STARD13: variants seen among roughly 807,000 people sequenced by gnomAD.
The protein encoded by STARD13 is StAR related lipid transfer domain containing 13, also known as stAR-related lipid transfer protein 13.
In STARD13, 62 loss-of-function variants were observed where a neutral mutation model predicts 106.4. The ratio of observed to expected loss-of-function variants is 0.58; its 90% CI spans 0.48 to 0.72. The LOEUF (loss-of-function observed/expected upper bound fraction) is 0.72. Ranked by LOEUF, STARD13 falls within the 30% of genes least tolerant of loss-of-function variation. The probability of loss-of-function intolerance (pLI) is 0.00; values close to 1 mark genes in which losing one functional copy is unlikely to be tolerated. For synonymous variants in STARD13, 565 were observed against 553.0 expected (o/e 1.02, Z -0.31); for missense variants, 1,387 against 1,424.0 (o/e 0.97, Z 0.42).
the STARD13 span, among the ~76,000 whole-genome samples, chr13:33,625,343 G>A: frequency 2.6e-5 from 4 of 152,006 alleles, no homozygotes; most frequent in East Asian, 2.0e-4. Context: ...AGGCCGAGGC[G>A]GGCAGGTCAT....
chr13:33,528,257 C>CATATATATGTATATATATATATAT, the STARD13 span, among the ~76,000 whole-genome samples: 33 of 92,896 alleles, frequency 3.6e-4, 1 homozygote, highest in East Asian at 2.1e-3. Context: ...TATATATATA[C>CATATATATGTATATATATATATAT]ATATATATAT....
At chr13:33,422,920 C>T in the STARD13 span, among the ~76,000 whole-genome samples, 1 of 152,152 alleles carries the variant, frequency 6.6e-6, no homozygotes, top group South Asian at 2.1e-4. Context: ...GGATCCCTTC[C>T]TTACACTTTA....
the STARD13 span, among the ~76,000 whole-genome samples, chr13:33,552,433 G>A: frequency 1.4e-4 from 22 of 152,248 alleles, no homozygotes; most frequent in African/African-American, 5.3e-4. Flanking sequence ...ATCACATAAA[G>A]TACGTTCTTT....
intron 1 of STARD13, among the ~76,000 whole-genome samples, chr13:33,230,238 C>T (rs1888845638): frequency 6.6e-6 from 1 of 152,242 alleles, no homozygotes; most frequent in Non-Finnish European, 1.5e-5. Flanking sequence ...AACATAAGAT[C>T]ATCATCTGCA....
At chr13:33,168,524 A>G (rs985867509) in intron 1 of STARD13, among the ~76,000 whole-genome samples, 1 of 152,252 alleles carries the variant, frequency 6.6e-6, no homozygotes, top group Non-Finnish European at 1.5e-5. Flanking sequence ...CCAAGGGGAA[A>G]GAAGTTCATC....
chr13:33,560,734 A>G, the STARD13 span, among the ~76,000 whole-genome samples: 1 of 151,604 alleles, frequency 6.6e-6, no homozygotes, highest in Non-Finnish European at 1.5e-5. Context: ...TAATTTAAAA[A>G]TATTTCAAAA....
In STARD13 at chr13:33,135,048, G is replaced by A. The variant is rs147937578; in HGVS notation, c.388-4759C>T. On this transcript the variant is annotated intron_variant, in intron 4 of 13. Coordinates refer to ENST00000336934, the MANE Select transcript of STARD13 (RefSeq NM_178006.4). ...ATTCTGCACTGGTCACATATATCAG[G>A]AACAATGGGTTCTTTCTAAGCGCTC... Among the ~76,000 whole-genome samples the A allele has an allele frequency of 4.9e-3, 753 of 152,324 alleles. 20 individuals carry two copies. Among genetic ancestry groups the A allele is most frequent in the East Asian group, 1.4e-3 (7 of 5,184 alleles).
chr13:33,452,836 T>G, the STARD13 span, among the ~76,000 whole-genome samples: 2 of 152,244 alleles, frequency 1.3e-5, no homozygotes, highest in Admixed American at 6.5e-5. Flanking sequence ...GGAACAGCGA[T>G]GTATATCAAC....
At chr13:33,297,026 T>C (rs1892522649) in intron 1 of STARD13, among the ~76,000 whole-genome samples, 1 of 152,276 alleles carries the variant, frequency 6.6e-6, no homozygotes, top group East Asian at 1.9e-4. Context: ...CATTTATTTT[T>C]GTGCCTGTTT....
intron 1 of STARD13, among the ~76,000 whole-genome samples, chr13:33,308,520 C>CTTTTTTTTTTTTTTTT (rs552526416): frequency 1.4e-3 from 128 of 88,568 alleles, no homozygotes; most frequent in African/African-American, 1.7e-3. Context: ...CTTTTTCTTT[C>CTTTTTTTTTTTTTTTT]TTTTTTTTTT....
the STARD13 span, among the ~76,000 whole-genome samples, chr13:33,610,123 A>G: frequency 7.9e-5 from 12 of 152,252 alleles, no homozygotes; most frequent in Admixed American, 7.8e-4. Context: ...TAAATTGTAA[A>G]AAGATATTTA....
chr13:33,299,225 C>T (rs1892619892), intron 1 of STARD13, among the ~76,000 whole-genome samples: 1 of 152,172 alleles, frequency 6.6e-6, no homozygotes. Context: ...CACACAACAA[C>T]AAAATCACCG....
intron 1 of STARD13, among the ~76,000 whole-genome samples, chr13:33,205,569 TTC>T (rs1412908064): frequency 6.6e-6 from 1 of 152,330 alleles, no homozygotes; most frequent in South Asian, 2.1e-4. Flanking sequence ...GATAAAACAA[TTC>T]TCTCTGAGAT....
At chr13:33,264,162 G>A (rs937771950) in intron 1 of STARD13, among the ~76,000 whole-genome samples, 3 of 152,146 alleles carry the variant, frequency 2.0e-5, no homozygotes, top group Non-Finnish European at 4.4e-5. Flanking sequence ...GATGTTCCTG[G>A]AGCCCAGTCA....
chr13:33,222,640 G>C lies in STARD13; in HGVS notation c.170-55018C>G, dbSNP rs74045716. On this transcript the variant is annotated intron_variant, in intron 1 of 13. Transcript: ENST00000336934. ...AGCACCTTCTGTTGCCTTTTCCTAC[G>C]ACACACATCATGTCTACTTCTCCTG... 4.9e-3 allele frequency among the ~76,000 whole-genome samples: 739 copies of C among 152,220 alleles called. 8 individuals are homozygous for C. The highest frequency in any genetic ancestry group is 0.017 in the African/African-American group (705 of 41,538).
At chr13:33,599,872 A>T in the STARD13 span, among the ~76,000 whole-genome samples, 77 of 152,370 alleles carry the variant, frequency 5.1e-4, no homozygotes, top group Non-Finnish European at 8.4e-4. Context: ...GATTACAACC[A>T]TTAGCTGAAA....
In STARD13 at chr13:33,106,625, A is replaced by G. The variant is rs941015394; in HGVS notation, c.3224+133T>C. ...AGAGGGGAGGCATACATATCCACCT[A>G]TGAAAGCACACTAATGGCAATGAGG... On this transcript the variant is annotated intron_variant, in intron 13 of 13. Coordinates refer to ENST00000336934, the MANE Select transcript of STARD13 (RefSeq NM_178006.4). The G allele has an allele frequency of 1.2e-5, 9 of 770,910 alleles. No individual in the cohort carries two copies. The African/African-American group carries it at 1.4e-4, about 12-fold the overall frequency. The allele number at this position is 770,910 out of a possible 1,614,324, so 47.8% of individuals were successfully genotyped here. A position where few individuals can be genotyped will look rare whatever the true frequency, so the allele number is the denominator to read the frequency against.
the STARD13 span, among the ~76,000 whole-genome samples, chr13:33,385,467 TAAA>T: frequency 1.0e-4 from 8 of 76,476 alleles, no homozygotes; most frequent in African/African-American, 3.3e-4. Context: ...CCCAGAATGG[TAAA>T]AAAAAAAAAA....
intron 11 of STARD13, 45 bp from the exon 12 acceptor site, chr13:33,110,135 T>G: frequency 6.3e-7 from 1 of 1,576,722 alleles, no homozygotes; most frequent in Non-Finnish European, 8.7e-7. Context: ...GTCTGGGATA[T>G]GGGTCCAACA....
Sources: allele counts gnomAD v4.1 joint callset (sites outside exome capture counted in the v4.1 genomes callset), GRCh38; gene constraint gnomAD v4.1.1; transcripts MANE v1.5; gene names NCBI Gene and HGNC (gene_info 2026-07-23, HGNC 2026-07-21).